Variants in PGAM5 observed in about 807,000 individuals in gnomAD.
PGAM5 encodes the protein serine/threonine-protein phosphatase PGAM5, mitochondrial.
In PGAM5, 25 loss-of-function variants were observed where a neutral mutation model predicts 30.6. That is an observed-to-expected ratio of 0.82 (90% CI 0.60 to 1.14). The LOEUF (loss-of-function observed/expected upper bound fraction) is 1.14, where lower values mean the gene tolerates loss of function less well. PGAM5 is among the 50% of genes most tolerant of loss of function. The pLI is 0.00. For missense variants in PGAM5, 384 were observed against 408.5 expected (o/e 0.94, Z 0.52); for synonymous variants, 201 against 179.1 (o/e 1.12, Z -0.98).
Position 132,717,818 on chromosome 12 carries a change from G to C in PGAM5, c.585+20G>C, listed in dbSNP as rs944268929. On this transcript the variant is annotated intron_variant, in intron 4 of 5. Transcript: ENST00000498926. ...GCTGTGGTAAAAACCTCCCCGGGGGGCAGCTGTGTCACCCTCGCCTTCCCT... is the reference window on the plus strand; with the variant it reads ...GCTGTGGTAAAAACCTCCCCGGGGGCCAGCTGTGTCACCCTCGCCTTCCCT... 1 of 1,578,066 alleles carries C rather than the reference G, an allele frequency of 6.3e-7. No homozygotes were observed. The highest frequency in any genetic ancestry group is 1.1e-5 in the South Asian group (1 of 87,480).
Position 132,717,754 on chromosome 12 carries a change from A to G in PGAM5, c.541A>G (p.Ile181Val), listed in dbSNP as rs1435045137. 1 of 1,585,730 alleles carries G rather than the reference A, an allele frequency of 6.3e-7. No individual in the cohort carries two copies. Among genetic ancestry groups the G allele is most frequent in the South Asian group, 1.1e-5 (1 of 87,926 alleles). The change falls in exon 4 of 6, where the codon ATC becomes GTC. Residue 181 changes from isoleucine to valine, a missense_variant. Ile to Val is a conservative substitution (Grantham distance 29). Coordinates refer to ENST00000498926, the MANE Select transcript of PGAM5 (RefSeq NM_001170543.2). ...STDLLREGAP[I>V]EPDPPVSHWK... is the part of the protein sequence containing the mutation. ...AGATCTGCTGCGGGAAGGCGCCCCC[A>G]TCGAGCCAGACCCGCCCGTGTCTCA... is the stretch of plus-strand genomic sequence containing the variant.
At chr12:132,716,863 G>C (rs2043582659) in intron 2 of PGAM5, among the ~76,000 whole-genome samples, 1 of 152,202 alleles carries the variant, frequency 6.6e-6, no homozygotes, top group Non-Finnish European at 1.5e-5. Flanking sequence ...TGTGCACAAA[G>C]AAAGTGGAGT....
chr12:132,720,539 C>T (rs891942432), intron 5 of PGAM5, 139 bp from the exon 6 acceptor site: 3 of 792,628 alleles, frequency 3.8e-6, no homozygotes, highest in African/African-American at 3.5e-5. Context: ...GATCTCCTGA[C>T]CTTGTGATCC....
Position 132,717,988 on chromosome 12 carries a change from A to G in PGAM5, c.587A>G (p.Gln196Arg). Residue 196 changes from glutamine (Q) to arginine (R), a missense_variant and splice_region_variant, in exon 5 of 6, where the codon CAG becomes CGG. Transcript: ENST00000498926. ...GACGGCTCCTCACTCTGCCCCCAGC[A>G]GTATTACGAAGACGGAGCCCGGATC... ...PVSHWKPEAVQYYEDGARIEA... is the reference protein window; with the variant it reads ...PVSHWKPEAVRYYEDGARIEA... The G allele has an allele frequency of 3.7e-6, 6 of 1,612,670 alleles. No individual in the cohort carries two copies. The highest frequency in any genetic ancestry group is 5.1e-6 in the Non-Finnish European group (6 of 1,179,938).
chr12:132,719,363 G>A (rs1436036150), intron 5 of PGAM5, among the ~76,000 whole-genome samples: 1 of 152,174 alleles, frequency 6.6e-6, no homozygotes, highest in Non-Finnish European at 1.5e-5. Context: ...GGAGCACCAT[G>A]GTCAAGAGCA....
intron 5 of PGAM5, chr12:132,719,061 C>CAGCCACGTTAGAG: frequency 7.1e-7 from 1 of 1,417,042 alleles, no homozygotes; most frequent in East Asian, 2.6e-5. Flanking sequence ...TCCAGGGCTG[C>CAGCCACGTTAGAG]AGCCACGTTA....
At chr12:132,717,046 G>T (rs556271424) in intron 2 of PGAM5, among the ~76,000 whole-genome samples, 1 of 152,380 alleles carries the variant, frequency 6.6e-6, no homozygotes, top group East Asian at 1.9e-4. Context: ...GTGGTTGGGG[G>T]CCTGTGAGGC....
chr12:132,712,252 C>A (rs141286906), intron 1 of PGAM5, among the ~76,000 whole-genome samples: 276 of 152,280 alleles, frequency 1.8e-3, no homozygotes, highest in African/African-American at 6.3e-3. Context: ...CTTTTACCTG[C>A]TGTTCTGTTC....
chr12:132,714,270 A>C (rs1278401370), intron 1 of PGAM5, among the ~76,000 whole-genome samples: 1 of 152,204 alleles, frequency 6.6e-6, no homozygotes, highest in Non-Finnish European at 1.5e-5. Flanking sequence ...TGGCCACCTC[A>C]GCCTCCCAAA....
chr12:132,719,583 T>C (rs1352193870), intron 5 of PGAM5, among the ~76,000 whole-genome samples: 1 of 152,168 alleles, frequency 6.6e-6, no homozygotes, highest in East Asian at 1.9e-4. Context: ...ACCTTGTGTG[T>C]CCATGACACA....
rs780048914 is a variant in PGAM5 at position 132,718,020 on chromosome 12, G to A, written c.619G>A (p.Ala207Thr). The A allele has an allele frequency of 4.3e-6, 7 of 1,612,750 alleles. No homozygotes were observed. Among genetic ancestry groups the A allele is most frequent in the Non-Finnish European group, 5.1e-6 (6 of 1,179,976 alleles). ...YYEDGARIEA[A>T]FRNYIHRADA... Reference sequence around the variant, plus strand: ...CGAAGACGGAGCCCGGATCGAGGCCGCCTTCCGGAACTACATCCACCGCGC... The same window carrying A: ...CGAAGACGGAGCCCGGATCGAGGCCACCTTCCGGAACTACATCCACCGCGC... Residue 207 changes from alanine to threonine, a missense_variant, in exon 5 of 6, where the codon GCC becomes ACC. Ala to Thr is a moderately conservative substitution (Grantham distance 58). Coordinates refer to ENST00000498926, the MANE Select transcript of PGAM5 (RefSeq NM_001170543.2).
chr12:132,720,837 G>A lies in PGAM5; in HGVS notation c.*9G>A, dbSNP rs776792345. 6.5e-6 allele frequency: 10 copies of A among 1,535,550 alleles called. No homozygotes were observed. In the South Asian group the frequency reaches 1.1e-4, roughly 16 times the overall value. ...AGATCACTCGATCCTGAGGGCTCCG[G>A]CCTCTCCTTCCCTCTGTCCTCCCTG... On this transcript the variant is annotated 3_prime_UTR_variant, in exon 6 of 6. Transcript: ENST00000498926.
At chr12:132,711,924 CAT>C (rs1247764615) in intron 1 of PGAM5, among the ~76,000 whole-genome samples, 4 of 152,160 alleles carry the variant, frequency 2.6e-5, no homozygotes, top group African/African-American at 4.8e-5. Flanking sequence ...TATAATTTCA[CAT>C]GTTGCTGGCA....
intron 2 of PGAM5, among the ~76,000 whole-genome samples, chr12:132,716,328 A>G (rs913346484): frequency 2.0e-5 from 3 of 147,688 alleles, no homozygotes; most frequent in Non-Finnish European, 3.0e-5. Flanking sequence ...CTTGTGATCC[A>G]CCCGCCTCGG....
chr12:132,716,985 A>T (rs76959832), intron 2 of PGAM5, among the ~76,000 whole-genome samples: 391 of 152,332 alleles, frequency 2.6e-3, no homozygotes, highest in African/African-American at 8.5e-3. Context: ...CGGCCCCCAC[A>T]TAGCAGCTTG....
intron 1 of PGAM5, 55 bp downstream of exon 1, chr12:132,711,122 A>G: frequency 1.7e-6 from 2 of 1,163,092 alleles, no homozygotes; most frequent in African/African-American, 1.6e-5. Context: ...GGCAGGTGTT[A>G]CCGTTGGGAT....
intron 5 of PGAM5, among the ~76,000 whole-genome samples, chr12:132,719,520 C>T (rs78935910): frequency 0.015 from 2,236 of 152,322 alleles, 33 homozygotes; most frequent in Non-Finnish European, 0.021. Flanking sequence ...TTCGTTGCCT[C>T]CTGTCTGTGC....
chr12:132,720,988 T>G lies in PGAM5; in HGVS notation c.*160T>G. 2.2e-6 allele frequency: 2 copies of G among 898,838 alleles called. No individual in the cohort carries two copies. The highest frequency in any genetic ancestry group is 3.6e-5 in the South Asian group (2 of 55,362). 55.7% of individuals were successfully genotyped at this position (898,838 alleles called of 1,614,324 possible). ...AGGGGAGAGTTGGGATCAGACAGCC[T>G]GACTTCTCTGCAGGGTTTTATACCT... On this transcript the variant is annotated 3_prime_UTR_variant, in exon 6 of 6. Coordinates refer to ENST00000498926, the MANE Select transcript of PGAM5 (RefSeq NM_001170543.2).
In PGAM5 at chr12:132,718,663, T is replaced by C. The variant is rs151195187; in HGVS notation, c.719+543T>C. 1.6e-4 allele frequency: 216 copies of C among 1,319,440 alleles called. 5 individuals are homozygous for C. In the African/African-American group the frequency reaches 3.0e-3, roughly 18 times the overall value. The allele number at this position is 1,319,440 out of a possible 1,614,324, so 81.7% of individuals were successfully genotyped here. On this transcript the variant is annotated intron_variant, in intron 5 of 5. Coordinates refer to ENST00000498926, the MANE Select transcript of PGAM5 (RefSeq NM_001170543.2). ...TCCTGGGTACGGTGCATGCTGGGCG[T>C]CCGCACTGCCCTGGTTGTTTTCCCT...
Sources: gnomAD v4.1 joint callset for allele counts (sites outside exome capture counted in the v4.1 genomes callset) on GRCh38, gnomAD v4.1.1 for gene constraint, MANE v1.5 for transcripts, NCBI Gene and HGNC (gene_info 2026-07-23, HGNC 2026-07-21) for gene names.